Variants in CSMD1 observed in about 807,000 individuals in gnomAD.
The protein encoded by CSMD1 is CUB and sushi domain-containing protein 1.
CSMD1 carries 213 observed loss-of-function variants against 417.5 expected under a neutral mutation model. The ratio of observed to expected loss-of-function variants is 0.51; its 90% CI spans 0.46 to 0.57. CSMD1 has a LOEUF of 0.57. Among genes scored for constraint, CSMD1 ranks in the 20% least tolerant of loss-of-function variants. The pLI is 0.00. For synonymous variants in CSMD1, 2,862 were observed against 1,736.8 expected, an observed-to-expected ratio of 1.65 and a Z score of -16.11; for missense variants, 6,923 against 4,529.7, an observed-to-expected ratio of 1.53 and a Z score of -15.17.
At chr8:3,339,050 T>G (rs544863213) in intron 23 of CSMD1, among the ~76,000 whole-genome samples, 2 of 144,646 alleles carry the variant, frequency 1.4e-5, no homozygotes, top group South Asian at 4.4e-4. Context: ...GTGATCTCAT[T>G]GTTCAATTCC....
At chr8:3,492,191 G>C (rs1159560363) in intron 11 of CSMD1, among the ~76,000 whole-genome samples, 2 of 152,276 alleles carry the variant, frequency 1.3e-5, no homozygotes, top group South Asian at 2.1e-4. Flanking sequence ...CAAGATGTTT[G>C]ATTATTCTCC....
chr8:3,117,925 C>G (rs1238624335), intron 42 of CSMD1, among the ~76,000 whole-genome samples: 1 of 152,182 alleles, frequency 6.6e-6, no homozygotes, highest in African/African-American at 2.4e-5. Context: ...CTTTCAAGGC[C>G]CACTACAAAA....
At chr8:3,359,007 C>T (rs1009845106) in intron 21 of CSMD1, 145 bp downstream of exon 21, 5 of 682,302 alleles carry the variant, frequency 7.3e-6, no homozygotes, top group East Asian at 5.4e-5. Flanking sequence ...CTCCCCTCTC[C>T]CCTGGTTGGC....
At position 4,465,515 on chromosome 8, in the gene CSMD1, GAT is replaced by G. The variant is rs200807804; in HGVS notation, c.303-45452_303-45451del. Among the ~76,000 whole-genome samples, 990 of 152,244 alleles carry G rather than the reference GAT, an allele frequency of 6.5e-3. 11 individuals carry two copies. Among genetic ancestry groups the G allele is most frequent in the African/African-American group, 0.022 (923 of 41,538 alleles). ...CCCAAGAGGTGACTTAACAGTGGGG[GAT>G]ATGGAAGCACATACAACTCCACTCT... On this transcript the variant is annotated intron_variant, in intron 2 of 69. Coordinates refer to ENST00000635120, the MANE Select transcript of CSMD1 (RefSeq NM_033225.6).
chr8:3,079,552 A>T (rs974765708), intron 49 of CSMD1, among the ~76,000 whole-genome samples: 2 of 152,248 alleles, frequency 1.3e-5, no homozygotes, highest in Admixed American at 1.3e-4. Context: ...CTTTATGTTC[A>T]TAAGTGAAGG....
In CSMD1 at chr8:2,955,536, A is replaced by C; in HGVS notation, c.9994+53T>G. The C allele has an allele frequency of 1.9e-6, 3 of 1,581,524 alleles. No individual in the cohort carries two copies. In the South Asian group the frequency reaches 3.4e-5, roughly 18 times the overall value. On this transcript the variant is annotated intron_variant, in intron 64 of 69. Transcript: ENST00000635120. ...TGGACACTAGCCTGATGGGCAGCTG[A>C]TCCTTTCCCTTGCTCTTTGGAAAAG...
chr8:3,239,218 G>T (rs1023079284), intron 26 of CSMD1, among the ~76,000 whole-genome samples: 1 of 152,104 alleles, frequency 6.6e-6, no homozygotes, highest in African/African-American at 2.4e-5. Flanking sequence ...GAGCGTAAGG[G>T]ATATAAAGGT....
At chr8:4,195,386 A>G (rs1342701451) in intron 3 of CSMD1, among the ~76,000 whole-genome samples, 1 of 152,172 alleles carries the variant, frequency 6.6e-6, no homozygotes, top group African/African-American at 2.4e-5. Flanking sequence ...ACATTTTTTA[A>G]AATTATAAAA....
At chr8:3,114,801 A>G (rs1178533376) in intron 42 of CSMD1, among the ~76,000 whole-genome samples, 1 of 152,212 alleles carries the variant, frequency 6.6e-6, no homozygotes, top group Non-Finnish European at 1.5e-5. Flanking sequence ...ATATGTATGT[A>G]ATAATACATT....
chr8:4,748,004 C>G (rs532254115), intron 1 of CSMD1, among the ~76,000 whole-genome samples: 140 of 152,300 alleles, frequency 9.2e-4, no homozygotes, highest in African/African-American at 3.2e-3. Context: ...ATTAGTTTCA[C>G]TAAGTTATCC....
intron 26 of CSMD1, among the ~76,000 whole-genome samples, chr8:3,242,200 C>A (rs1395634267): frequency 6.6e-6 from 1 of 151,864 alleles, no homozygotes; most frequent in Admixed American, 6.6e-5. Flanking sequence ...AAACAGTAAG[C>A]TGGACCAGGT....
intron 12 of CSMD1, among the ~76,000 whole-genome samples, chr8:3,442,306 A>G (rs777444206): frequency 3.3e-5 from 5 of 152,172 alleles, no homozygotes; most frequent in Non-Finnish European, 7.4e-5. Context: ...CACAGTGTTT[A>G]TAAGTCTACA....
chr8:4,522,668 C>T (rs559317099), intron 2 of CSMD1, among the ~76,000 whole-genome samples: 3 of 152,252 alleles, frequency 2.0e-5, no homozygotes, highest in East Asian at 1.9e-4. Context: ...TGTCCGCAGC[C>T]CGTCTTGCTG....
chr8:4,170,021 TAA>T (rs1401147471), intron 3 of CSMD1, among the ~76,000 whole-genome samples: 2 of 151,794 alleles, frequency 1.3e-5, no homozygotes, highest in East Asian at 1.9e-4. Context: ...GTAAAATCAA[TAA>T]GAGATTAAAT....
intron 2 of CSMD1, among the ~76,000 whole-genome samples, chr8:4,506,738 A>T (rs1802545742): frequency 6.6e-6 from 1 of 152,202 alleles, no homozygotes; most frequent in African/African-American, 2.4e-5. Context: ...TTGTTTCATC[A>T]GCTTATATAT....
In CSMD1 at chr8:3,792,202, G is replaced by C. The variant is rs530016407; in HGVS notation, c.819-38160C>G. Reference sequence around the variant, plus strand: ...CCAGCTACAGGGGAGGCTGAGATGGGAGATCGCTCAAGCCCAGGAGGGCGA... The same window carrying C: ...CCAGCTACAGGGGAGGCTGAGATGGCAGATCGCTCAAGCCCAGGAGGGCGA... On this transcript the variant is annotated intron_variant, in intron 5 of 69. Coordinates refer to ENST00000635120, the MANE Select transcript of CSMD1 (RefSeq NM_033225.6). Among the ~76,000 whole-genome samples the C allele has an allele frequency of 2.6e-4, 40 of 152,084 alleles. 1 individual carries two copies. In the South Asian group the frequency reaches 7.7e-3, roughly 29 times the overall value.
intron 2 of CSMD1, among the ~76,000 whole-genome samples, chr8:4,510,533 C>T (rs992760747): frequency 6.6e-6 from 1 of 151,664 alleles, no homozygotes; most frequent in African/African-American, 2.4e-5. Flanking sequence ...AGTCTCTTCC[C>T]TACTCAAAGC....
chr8:4,230,743 T>C (rs1029253632), intron 3 of CSMD1, among the ~76,000 whole-genome samples: 2 of 152,174 alleles, frequency 1.3e-5, no homozygotes, highest in African/African-American at 4.8e-5. Context: ...GATTACAAGC[T>C]ATTGAAATAA....
chr8:4,269,249 G>T (rs1459949070), intron 3 of CSMD1, among the ~76,000 whole-genome samples: 1 of 152,074 alleles, frequency 6.6e-6, no homozygotes, highest in East Asian at 1.9e-4. Flanking sequence ...CAGAGATGAG[G>T]TTTCACCATG....
Sources: allele counts gnomAD v4.1 joint callset (sites outside exome capture counted in the v4.1 genomes callset), GRCh38; gene constraint gnomAD v4.1.1; transcripts MANE v1.5; gene names NCBI Gene and HGNC (gene_info 2026-07-23, HGNC 2026-07-21).